The following XYLT1 variants were observed in gnomAD, a reference collection of about 807,000 sequenced individuals.
XYLT1 encodes the protein xylosyltransferase 1.
A neutral mutation model predicts 91.3 loss-of-function variants in XYLT1; 36 were observed. The observed-to-expected ratio is 0.39, with a 90% confidence interval of 0.30 to 0.52. XYLT1 has a LOEUF of 0.52. XYLT1 is among the 20% of genes least tolerant of loss of function. The probability of loss-of-function intolerance (pLI) is 0.68; values close to 1 mark genes in which losing one functional copy is unlikely to be tolerated. For missense variants in XYLT1, 1,242 were observed against 1,284.5 expected (o/e 0.97, Z 0.51); for synonymous variants, 588 against 532.0 (o/e 1.11, Z -1.45).
chr16:17,396,801 G>A (rs190520405), intron 1 of XYLT1, among the ~76,000 whole-genome samples: 30 of 152,238 alleles, frequency 2.0e-4, no homozygotes, highest in Middle Eastern at 3.4e-3. Context: ...AACCCAGGAG[G>A]TGCAGGTTGC....
intron 1 of XYLT1, among the ~76,000 whole-genome samples, chr16:17,404,288 T>G (rs2036003429): frequency 6.6e-6 from 1 of 152,154 alleles, no homozygotes; most frequent in Admixed American, 6.5e-5. Flanking sequence ...CTGGATCCTT[T>G]GTTCAGAAAG....
intron 2 of XYLT1, among the ~76,000 whole-genome samples, chr16:17,282,698 C>T (rs1181344720): frequency 6.6e-6 from 1 of 152,204 alleles, no homozygotes; most frequent in Non-Finnish European, 1.5e-5. Context: ...CCAGGGGCTG[C>T]AAGACCTGGT....
intron 2 of XYLT1, among the ~76,000 whole-genome samples, chr16:17,270,441 C>T (rs2141771716): frequency 6.6e-6 from 1 of 152,284 alleles, no homozygotes; most frequent in African/African-American, 2.4e-5. Flanking sequence ...ACCCAAGGGA[C>T]TGCAGGCAGG....
rs767151460 is a variant in XYLT1 at position 17,127,727 on chromosome 16, G to T, written c.2162C>A (p.Pro721Gln). Residue 721 changes from proline to glutamine, a missense_variant, in exon 10 of 12, where the codon CCG becomes CAG. This residue lies in a region of XYLT1 where 511 missense variants were observed against 497.0 expected (regional missense o/e 1.03). Coordinates refer to ENST00000261381, the MANE Select transcript of XYLT1 (RefSeq NM_022166.4). ...KLETLETWVM[P>Q]KKVFKIASPP... ...GCTTGCGATCTTGAAGACTTTTTTCGGCATCACCCAGGTCTCCAGAGTCTC... is the reference window on the plus strand; with the variant it reads ...GCTTGCGATCTTGAAGACTTTTTTCTGCATCACCCAGGTCTCCAGAGTCTC... 1.1e-5 allele frequency: 17 copies of T among 1,613,822 alleles called. No homozygotes were observed. Among genetic ancestry groups the T allele is most frequent in the Non-Finnish European group, 1.4e-5 (16 of 1,179,950 alleles).
intron 2 of XYLT1, among the ~76,000 whole-genome samples, chr16:17,320,482 C>CT (rs11430162): frequency 0.52 from 69,558 of 134,322 alleles, 18,912 homozygotes; most frequent in African/African-American, 0.63. Context: ...GGAAAAGTTT[C>CT]TTTTTTTTTT....
intron 1 of XYLT1, among the ~76,000 whole-genome samples, chr16:17,443,309 G>T (rs2036553459): frequency 6.6e-6 from 1 of 152,128 alleles, no homozygotes; most frequent in South Asian, 2.1e-4. Flanking sequence ...GTTTGGCTCT[G>T]TGTCCCCACC....
chr16:17,191,481 T>C (rs528495915), intron 5 of XYLT1, among the ~76,000 whole-genome samples: 3 of 152,358 alleles, frequency 2.0e-5, no homozygotes, highest in South Asian at 4.1e-4. Context: ...TCTGTGTTAA[T>C]ACTAATTTCT....
intron 3 of XYLT1, among the ~76,000 whole-genome samples, chr16:17,245,201 T>G (rs1397451251): frequency 6.6e-6 from 1 of 152,212 alleles, no homozygotes; most frequent in Non-Finnish European, 1.5e-5. Context: ...CTTGAGGAAT[T>G]AGATTTTAAC....
chr16:17,399,203 A>G (rs556583475), intron 1 of XYLT1, among the ~76,000 whole-genome samples: 1 of 152,176 alleles, frequency 6.6e-6, no homozygotes, highest in Non-Finnish European at 1.5e-5. Flanking sequence ...AATTCAACCC[A>G]TAACAGATGA....
chr16:17,457,907 C>T (rs1446585333), intron 1 of XYLT1, among the ~76,000 whole-genome samples: 1 of 151,946 alleles, frequency 6.6e-6, no homozygotes, highest in Non-Finnish European at 1.5e-5. Context: ...TTAATAAAGC[C>T]CCATTTCAAA....
intron 6 of XYLT1, among the ~76,000 whole-genome samples, chr16:17,144,698 A>G (rs2031086752): frequency 6.6e-6 from 1 of 152,252 alleles, no homozygotes; most frequent in Admixed American, 6.5e-5. Flanking sequence ...TAACATCCAC[A>G]CAATGTAAAA....
intron 2 of XYLT1, among the ~76,000 whole-genome samples, chr16:17,325,503 T>C (rs2034787095): frequency 6.6e-6 from 1 of 152,232 alleles, no homozygotes; most frequent in East Asian, 1.9e-4. Flanking sequence ...CAATTTCATA[T>C]AATTTAATCT....
chr16:17,441,818 A>G (rs1187478575), intron 1 of XYLT1, among the ~76,000 whole-genome samples: 1 of 152,164 alleles, frequency 6.6e-6, no homozygotes, highest in Admixed American at 6.5e-5. Context: ...GCTCTCTACA[A>G]TAACCCTCCA....
At chr16:17,266,874 A>C (rs1401719561) in intron 2 of XYLT1, among the ~76,000 whole-genome samples, 1 of 152,194 alleles carries the variant, frequency 6.6e-6, no homozygotes, top group Non-Finnish European at 1.5e-5. Context: ...GAACGGTGGA[A>C]GCACAGTGTG....
intron 6 of XYLT1, among the ~76,000 whole-genome samples, chr16:17,151,411 C>G (rs2031280392): frequency 6.6e-6 from 1 of 152,144 alleles, no homozygotes; most frequent in Non-Finnish European, 1.5e-5. Context: ...GAGCGAGACT[C>G]TGTCTCAAAA....
chr16:17,214,696 T>C (rs2032823415), intron 3 of XYLT1, among the ~76,000 whole-genome samples: 1 of 152,192 alleles, frequency 6.6e-6, no homozygotes, highest in African/African-American at 2.4e-5. Context: ...CAGCCTCTCC[T>C]GAGAAAGAAG....
chr16:17,115,368 C>T (rs1294058514), intron 11 of XYLT1, among the ~76,000 whole-genome samples: 1 of 138,264 alleles, frequency 7.2e-6, no homozygotes, highest in Non-Finnish European at 1.5e-5. Flanking sequence ...CGTGTAGTTT[C>T]AGCTACTTAG....
In XYLT1 at chr16:17,470,775, G is replaced by C. The variant is rs997205313; in HGVS notation, c.22C>G (p.Arg8Gly). 23 of 1,045,336 alleles carry C rather than the reference G, an allele frequency of 2.2e-5. No homozygotes were observed. The highest frequency in any genetic ancestry group is 2.4e-5 in the Non-Finnish European group (21 of 866,398). The allele number at this position is 1,045,336 out of a possible 1,614,324, so 64.8% of individuals were successfully genotyped here. MVAAPCA[R>G]RLARRSHSAL... ...GAGTGCGAGCGCCGGGCCAGCCTCC[G>C]GGCGCACGGCGCCGCCACCATCTTC... is the stretch of plus-strand genomic sequence containing the variant. The change falls in exon 1 of 12, where the codon CGG becomes GGG. Residue 8 changes from arginine to glycine, a missense_variant. Arg to Gly is a moderately radical substitution (Grantham distance 125, BLOSUM62 -2). This residue lies in a region of XYLT1 where 437 missense variants were observed against 411.5 expected (regional missense o/e 1.06). Transcript: ENST00000261381.
At chr16:17,228,013 A>C (rs921683470) in intron 3 of XYLT1, 11 of 152,356 alleles carry the variant, frequency 7.2e-5, no homozygotes, top group Non-Finnish European at 1.0e-4. Context: ...GTTATTTTTC[A>C]GACCCTTAGC....
Sources: gnomAD v4.1 joint callset for allele counts (sites outside exome capture counted in the v4.1 genomes callset) on GRCh38, gnomAD v4.1.1 for gene constraint, gnomAD v4.1.1 regional missense constraint, MANE v1.5 for transcripts, NCBI Gene and HGNC (gene_info 2026-07-23, HGNC 2026-07-21) for gene names.